The following KCNA1 variants were observed in gnomAD, a reference collection of about 807,000 sequenced individuals.
The protein encoded by KCNA1 is potassium voltage-gated channel subfamily A member 1.
A neutral mutation model predicts 28.8 loss-of-function variants in KCNA1; 19 were observed. The ratio of observed to expected loss-of-function variants is 0.66; its 90% confidence interval spans 0.46 to 0.97. The LOEUF (loss-of-function observed/expected upper bound fraction) is 0.97. Among genes scored for constraint, KCNA1 ranks in the 50% least tolerant of loss-of-function variants. KCNA1 has a pLI of 0.00. For synonymous variants in KCNA1, 311 were observed against 268.8 expected, an observed-to-expected ratio of 1.16 and a Z score of -1.53; for missense variants, 419 against 659.7, an observed-to-expected ratio of 0.64 and a Z score of 4.00.
rs12303537 is a variant in KCNA1 at position 4,910,173 on chromosome 12, C to T, written c.-839C>T. On this transcript the variant is annotated 5_prime_UTR_variant, in exon 1 of 2. Coordinates refer to ENST00000382545, the MANE Select transcript of KCNA1 (RefSeq NM_000217.3). The surrounding 1 kb of genome is among the most constrained non-coding windows in gnomAD (Gnocchi z 4.9). ...GAGAGGGTGGTATTTTGCTTTTCCG[C>T]CCCGCATCCTCCGGAACTCCCTGCA... 0.02 allele frequency: 3,072 copies of T among 152,646 alleles called. 100 individuals carry two copies. Among genetic ancestry groups the T allele is most frequent in the East Asian group, 0.12 (608 of 5,182 alleles). 9.5% of individuals were successfully genotyped at this position (152,646 alleles called of 1,614,324 possible).
rs1947348549 is a variant in KCNA1, at chr12:4,911,249, C to T, written c.-130C>T. ...TCCCGACCTGCTCGTGTTGAAGCAC[C>T]TCCCCCTGGGCGTGAGGGAGACGCG... is the stretch of plus-strand genomic sequence containing the variant. On this transcript the variant is annotated 5_prime_UTR_variant, in exon 2 of 2. Coordinates refer to ENST00000382545, the MANE Select transcript of KCNA1 (RefSeq NM_000217.3). The surrounding 1 kb of genome is among the most constrained non-coding windows in gnomAD (Gnocchi z 6.6). The T allele has an allele frequency of 1.5e-6, 1 of 673,036 alleles. No individual in the cohort carries two copies. The highest frequency in any genetic ancestry group is 1.8e-5 in the South Asian group (1 of 54,560). 41.7% of individuals were successfully genotyped at this position (673,036 alleles called of 1,614,324 possible). A position where few individuals can be genotyped will look rare whatever the true frequency, so the allele number is the denominator to read the frequency against.
In KCNA1 at chr12:4,912,977, A is replaced by C; in HGVS notation, c.*111A>C. ...ACGCTTTGTAGATACTTTACTAAGT[A>C]GACTTGGAATGCTCTATTTAACTGT... On this transcript the variant is annotated 3_prime_UTR_variant, in exon 2 of 2. Transcript: ENST00000382545. The C allele has an allele frequency of 1.2e-6, 1 of 815,810 alleles. No individual in the cohort carries two copies. Among genetic ancestry groups the C allele is most frequent in the Non-Finnish European group, 2.2e-6 (1 of 463,616 alleles). The allele number at this position is 815,810 out of a possible 1,614,324, so 50.5% of individuals were successfully genotyped here. A position where few individuals can be genotyped will look rare whatever the true frequency, so the allele number is the denominator to read the frequency against.
In KCNA1 at chr12:4,912,332, C is replaced by T; in HGVS notation, c.954C>T (p.Thr318=). The T allele has an allele frequency of 6.2e-7, 1 of 1,613,892 alleles. No homozygotes were observed. The highest frequency in any genetic ancestry group is 8.5e-7 in the Non-Finnish European group (1 of 1,180,000). Residue 318 remains threonine, a synonymous_variant, in exon 2 of 2, where the codon ACC becomes ACT. Transcript: ENST00000382545. ...HSKGLQILGQ[T]LKASMRELGL... is the part of the protein sequence containing the mutation. ...AGGGCCTCCAGATCCTGGGCCAGAC[C>T]CTCAAAGCTAGTATGAGAGAGCTAG... is the stretch of plus-strand genomic sequence containing the variant.
Position 4,913,101 on chromosome 12 carries a change from AAG to A in KCNA1, c.*242_*243del, listed in dbSNP as rs1947362666. 4 of 546,776 alleles carry A rather than the reference AAG, an allele frequency of 7.3e-6. No individual in the cohort carries two copies. Among genetic ancestry groups the A allele is most frequent in the Non-Finnish European group, 1.3e-5 (4 of 298,624 alleles). 33.9% of individuals were successfully genotyped at this position (546,776 alleles called of 1,614,324 possible). ...TTTTCCTTTTATTAAAAAATGGGAA[AAG>A]AGAGAGTATTTTCTAAAACTGGCTT... is the stretch of plus-strand genomic sequence containing the variant. On this transcript the variant is annotated 3_prime_UTR_variant, in exon 2 of 2. Transcript: ENST00000382545.
In KCNA1 at chr12:4,917,484, T is replaced by C. The variant is rs1056949259; in HGVS notation, c.*4618T>C. On this transcript the variant is annotated 3_prime_UTR_variant, in exon 2 of 2. Transcript: ENST00000382545. ...TGCAAACTAATTCAGGGTACAGATA[T>C]AAAGTTTAGAAGCCTTGGGATTAAA... 1.3e-4 allele frequency: 22 copies of C among 167,116 alleles called. No homozygotes were observed. Among genetic ancestry groups the C allele is most frequent in the Admixed American group, 5.2e-4 (8 of 15,292 alleles). 10.4% of individuals were successfully genotyped at this position (167,116 alleles called of 1,614,324 possible).
At position 4,917,842 on chromosome 12, in the gene KCNA1, C is replaced by T. The variant is rs1947395140; in HGVS notation, c.*4976C>T. The T allele has an allele frequency of 6.0e-6, 1 of 167,060 alleles. No individual in the cohort carries two copies. The highest frequency in any genetic ancestry group is 2.4e-5 in the African/African-American group (1 of 41,444). The allele number at this position is 167,060 out of a possible 1,614,324, so 10.3% of individuals were successfully genotyped here. ...AAGCACCTTTCTTCTCTTCAGCGCACTGTTTTGGGACTGTTTATGCAGCAG... is the reference window on the plus strand; with the variant it reads ...AAGCACCTTTCTTCTCTTCAGCGCATTGTTTTGGGACTGTTTATGCAGCAG... On this transcript the variant is annotated 3_prime_UTR_variant, in exon 2 of 2. Coordinates refer to ENST00000382545, the MANE Select transcript of KCNA1 (RefSeq NM_000217.3).
At position 4,916,076 on chromosome 12, in the gene KCNA1, C is replaced by T. The variant is rs1947384163; in HGVS notation, c.*3210C>T. On this transcript the variant is annotated 3_prime_UTR_variant, in exon 2 of 2. Transcript: ENST00000382545. ...GTAGCATAGGCATGCAATGTTTGAC[C>T]AAGCTCTTACCCTCGCACTGTAATG... 1 of 167,106 alleles carries T rather than the reference C, an allele frequency of 6.0e-6. No homozygotes were observed. Among genetic ancestry groups the T allele is most frequent in the Non-Finnish European group, 1.5e-5 (1 of 68,122 alleles). The allele number at this position is 167,106 out of a possible 1,614,324, so 10.4% of individuals were successfully genotyped here.
Position 4,912,506 on chromosome 12 carries a change from T to G in KCNA1, c.1128T>G (p.Gly376=). The change falls in exon 2 of 2, where the codon GGT becomes GGG. Residue 376 remains glycine, a synonymous_variant. Transcript: ENST00000382545. ...TGTCCATGACCACTGTAGGATACGG[T>G]GACATGTACCCTGTGACAATTGGAG... ...AVVSMTTVGY[G]DMYPVTIGGK... 6.2e-7 allele frequency: 1 copy of G among 1,613,864 alleles called. No homozygotes were observed. The highest frequency in any genetic ancestry group is 1.1e-5 in the South Asian group (1 of 91,066).
chr12:4,911,375 C>A lies in KCNA1; in HGVS notation c.-4C>A. On this transcript the variant is annotated 5_prime_UTR_variant, in exon 2 of 2. Transcript: ENST00000382545. This position sits in a 1 kb window ranked among gnomAD's most constrained non-coding sequence, Gnocchi z 6.6. ...GCCTCCCACCCCCGCGCCCGGCTTC[C>A]ACCATGACGGTGATGTCTGGGGAGA... 6.2e-7 allele frequency: 1 copy of A among 1,611,948 alleles called. No homozygotes were observed. Among genetic ancestry groups the A allele is most frequent in the Non-Finnish European group, 8.5e-7 (1 of 1,179,772 alleles).
In KCNA1 at chr12:4,913,033, G is replaced by A; in HGVS notation, c.*167G>A. ...CGTTGTTGCATTGAGGATTTTGGGGGTGGTGAACCAGAAGCTTTCAAGATC... is the reference window on the plus strand; with the variant it reads ...CGTTGTTGCATTGAGGATTTTGGGGATGGTGAACCAGAAGCTTTCAAGATC... On this transcript the variant is annotated 3_prime_UTR_variant, in exon 2 of 2. Transcript: ENST00000382545. 1.5e-6 allele frequency: 1 copy of A among 654,388 alleles called. No homozygotes were observed. The allele number at this position is 654,388 out of a possible 1,614,324, so 40.5% of individuals were successfully genotyped here.
In KCNA1 at chr12:4,910,974, A is replaced by C; in HGVS notation, c.-405A>C. On this transcript the variant is annotated 5_prime_UTR_variant, in exon 2 of 2. Coordinates refer to ENST00000382545, the MANE Select transcript of KCNA1 (RefSeq NM_000217.3). This position sits in a 1 kb window ranked among gnomAD's most constrained non-coding sequence, Gnocchi z 4.9. ...GCCGGCACTGCACCGGGTCCTAGGAAGGCTCTCGGAGGGGAGGGGAGGCCA... is the reference window on the plus strand; with the variant it reads ...GCCGGCACTGCACCGGGTCCTAGGACGGCTCTCGGAGGGGAGGGGAGGCCA... 4.0e-6 allele frequency: 1 copy of C among 247,046 alleles called. No homozygotes were observed. Among genetic ancestry groups the C allele is most frequent in the Non-Finnish European group, 7.9e-6 (1 of 126,110 alleles). The allele number at this position is 247,046 out of a possible 1,614,324, so 15.3% of individuals were successfully genotyped here.
In KCNA1 at chr12:4,911,870, G is replaced by A; in HGVS notation, c.492G>A (p.Gly164=). 1 of 1,613,782 alleles carries A rather than the reference G, an allele frequency of 6.2e-7. No homozygotes were observed. The highest frequency in any genetic ancestry group is 8.5e-7 in the Non-Finnish European group (1 of 1,179,972). ...TCTTCGAGTACCCCGAGAGCTCGGG[G>A]CCCGCCAGGGTCATCGCCATCGTCT... The part of the protein sequence containing the change: ...WLLFEYPESS[G]PARVIAIVSV... The change falls in exon 2 of 2, where the codon GGG becomes GGA. Residue 164 remains glycine (G), a synonymous_variant. Coordinates refer to ENST00000382545, the MANE Select transcript of KCNA1 (RefSeq NM_000217.3). The surrounding 1 kb of genome is among the most constrained non-coding windows in gnomAD (Gnocchi z 6.6).
Position 4,911,486 on chromosome 12 carries a change from C to G in KCNA1, c.108C>G (p.Cys36Trp). Residue 36 changes from cysteine (C) to tryptophan (W), a missense_variant, in exon 2 of 2, where the codon TGC (cysteine) becomes TGG (tryptophan). Cys to Trp is a radical substitution (Grantham distance 215). Coordinates refer to ENST00000382545, the MANE Select transcript of KCNA1 (RefSeq NM_000217.3). This position sits in a 1 kb window ranked among gnomAD's most constrained non-coding sequence, Gnocchi z 6.6. ...CCGACCACGACGACCACGAGTGCTGCGAGCGCGTGGTGATCAACATCTCCG... is the reference window on the plus strand; with the variant it reads ...CCGACCACGACGACCACGAGTGCTGGGAGCGCGTGGTGATCAACATCTCCG... ...RQADHDDHEC[C>W]ERVVINISGL... is the part of the protein sequence containing the mutation. 6.2e-7 allele frequency: 1 copy of G among 1,614,112 alleles called. No individual in the cohort carries two copies. The highest frequency in any genetic ancestry group is 1.1e-5 in the South Asian group (1 of 91,074).
In KCNA1 at chr12:4,912,538, T is replaced by C; in HGVS notation, c.1160T>C (p.Ile387Thr). The C allele has an allele frequency of 6.2e-7, 1 of 1,613,820 alleles. No individual in the cohort carries two copies. Among genetic ancestry groups the C allele is most frequent in the Non-Finnish European group, 8.5e-7 (1 of 1,179,972 alleles). ...DMYPVTIGGK[I>T]VGSLCAIAGV... ...TACCCTGTGACAATTGGAGGCAAGA[T>C]CGTGGGCTCCTTGTGTGCCATCGCT... The change falls in exon 2 of 2, where the codon ATC becomes ACC. Residue 387 changes from isoleucine to threonine, a missense_variant. Transcript: ENST00000382545.
chr12:4,916,867 T>TA lies in KCNA1; in HGVS notation c.*4002dup, dbSNP rs2137677998. 6.0e-6 allele frequency: 1 copy of TA among 167,178 alleles called. No individual in the cohort carries two copies. The highest frequency in any genetic ancestry group is 2.4e-5 in the African/African-American group (1 of 41,584). The allele number at this position is 167,178 out of a possible 1,614,324, so 10.4% of individuals were successfully genotyped here. On this transcript the variant is annotated 3_prime_UTR_variant, in exon 2 of 2. Coordinates refer to ENST00000382545, the MANE Select transcript of KCNA1 (RefSeq NM_000217.3). Reference sequence around the variant, plus strand: ...AGGCCTTCTTCACATTGTGTATAGTTACACGTTTTTCAAATTAGGTACCAT... The same window carrying TA: ...AGGCCTTCTTCACATTGTGTATAGTTAACACGTTTTTCAAATTAGGTACCAT...
In KCNA1 at chr12:4,916,328, G is replaced by T. The variant is rs1947386205; in HGVS notation, c.*3462G>T. 1 of 167,024 alleles carries T rather than the reference G, an allele frequency of 6.0e-6. No homozygotes were observed. The highest frequency in any genetic ancestry group is 6.5e-5 in the Admixed American group (1 of 15,274). 10.3% of individuals were successfully genotyped at this position (167,024 alleles called of 1,614,324 possible). On this transcript the variant is annotated 3_prime_UTR_variant, in exon 2 of 2. Coordinates refer to ENST00000382545, the MANE Select transcript of KCNA1 (RefSeq NM_000217.3). ...TATAATTCCTCTCTTCCAGTCTATTGGGGCCCTAGTTCAATAGGGTGGCAA... is the reference window on the plus strand; with the variant it reads ...TATAATTCCTCTCTTCCAGTCTATTTGGGCCCTAGTTCAATAGGGTGGCAA...
chr12:4,912,880 G>T lies in KCNA1; in HGVS notation c.*14G>T. On this transcript the variant is annotated 3_prime_UTR_variant, in exon 2 of 2. Coordinates refer to ENST00000382545, the MANE Select transcript of KCNA1 (RefSeq NM_000217.3). ...ACCGATGTTTAAAAAACAAAGGCAA[G>T]CAAACAAAAAAGCCCCACTTAGCAG... The T allele has an allele frequency of 6.3e-7, 1 of 1,584,170 alleles. No homozygotes were observed. The highest frequency in any genetic ancestry group is 8.7e-7 in the Non-Finnish European group (1 of 1,153,050).
rs1396511117 is a variant in KCNA1 at position 4,914,455 on chromosome 12, A to G, written c.*1589A>G. The stretch of plus-strand genomic sequence containing the variant: ...CAGTCATTCTTTGAAGTCTGTAGAG[A>G]CTTCAGCCCTCCCCTTGAGGCTCCC... On this transcript the variant is annotated 3_prime_UTR_variant, in exon 2 of 2. Transcript: ENST00000382545. 1 of 166,954 alleles carries G rather than the reference A, an allele frequency of 6.0e-6. No individual in the cohort carries two copies. Among genetic ancestry groups the G allele is most frequent in the Admixed American group, 6.5e-5 (1 of 15,280 alleles). 10.3% of individuals were successfully genotyped at this position (166,954 alleles called of 1,614,324 possible).
rs949591939 is a variant in KCNA1 at position 4,916,162 on chromosome 12, C to T, written c.*3296C>T. 2.4e-5 allele frequency: 4 copies of T among 167,086 alleles called. No homozygotes were observed. The highest frequency in any genetic ancestry group is 9.6e-5 in the African/African-American group (4 of 41,468). The allele number at this position is 167,086 out of a possible 1,614,324, so 10.4% of individuals were successfully genotyped here. On this transcript the variant is annotated 3_prime_UTR_variant, in exon 2 of 2. Coordinates refer to ENST00000382545, the MANE Select transcript of KCNA1 (RefSeq NM_000217.3). The stretch of plus-strand genomic sequence containing the variant: ...AACAAAACTGCCTATTAAGGGATGA[C>T]TATTTTTTGGTTTACTTATTCATAT...
Sources: gnomAD v4.1 joint callset for allele counts on GRCh38, gnomAD v4.1.1 for gene constraint, Gnocchi (gnomAD v3.1) non-coding constraint, MANE v1.5 for transcripts, NCBI Gene and HGNC (gene_info 2026-07-23, HGNC 2026-07-21) for gene names.